Variants in FSTL4 observed in about 807,000 individuals in gnomAD.
FSTL4 encodes follistatin like 4.
In FSTL4, 28 loss-of-function variants were observed where a neutral mutation model predicts 78.2. The observed-to-expected ratio is 0.36, with a 90% CI of 0.27 to 0.49. FSTL4 has a LOEUF of 0.49. Among genes scored for constraint, FSTL4 ranks in the 20% least tolerant of loss-of-function variants. FSTL4 has a pLI of 0.98. For synonymous variants in FSTL4, 422 were observed against 440.5 expected (o/e 0.96, Z 0.53); for missense variants, 922 against 1,084.9 (o/e 0.85, Z 2.11).
chr5:133,701,515 C>T, the FSTL4 span, among the ~76,000 whole-genome samples: 391 of 110,632 alleles, frequency 3.5e-3, 2 homozygotes, highest in African/African-American at 0.011. Flanking sequence ...ACACACCCCA[C>T]AGGCCAGCCT....
At chr5:133,443,046 G>A (rs1364386034) in intron 3 of FSTL4, among the ~76,000 whole-genome samples, 2 of 152,218 alleles carry the variant, frequency 1.3e-5, no homozygotes, top group Non-Finnish European at 2.9e-5. Context: ...TACACCTGCA[G>A]AAATATCATT....
chr5:133,583,345 C>G (rs892235285), intron 2 of FSTL4: 2 of 394,150 alleles, frequency 5.1e-6, no homozygotes, highest in Admixed American at 6.1e-5. Context: ...CCAGCGTGAG[C>G]GACGCAGAAG....
chr5:133,211,745 TC>T (rs1750732158), intron 13 of FSTL4, among the ~76,000 whole-genome samples: 1 of 152,176 alleles, frequency 6.6e-6, no homozygotes, highest in Admixed American at 6.5e-5. Flanking sequence ...TGGCTTCTCC[TC>T]TTCATTCTGA....
intron 4 of FSTL4, among the ~76,000 whole-genome samples, chr5:133,323,874 C>T (rs1334678108): frequency 1.3e-5 from 2 of 152,322 alleles, no homozygotes; most frequent in African/African-American, 2.4e-5. Context: ...AAAGGTCAGT[C>T]GCAGATCCGG....
chr5:133,612,595 G>C (rs1335530748), upstream of FSTL4: 1 of 151,586 alleles, frequency 6.6e-6, no homozygotes, highest in African/African-American at 2.4e-5. This position sits in a 1 kb window ranked among gnomAD's most constrained non-coding sequence, Gnocchi z 6.2. Flanking sequence ...CTGCCCAATC[G>C]CCGCCACCTG....
intron 4 of FSTL4, among the ~76,000 whole-genome samples, chr5:133,322,877 G>C (rs1754106180): frequency 6.6e-6 from 1 of 152,170 alleles, no homozygotes; most frequent in Non-Finnish European, 1.5e-5. Context: ...GTTGACTGAG[G>C]GAAGCTGGAT....
intron 2 of FSTL4, among the ~76,000 whole-genome samples, chr5:133,577,940 C>A (rs1760322306): frequency 1.3e-5 from 2 of 152,204 alleles, no homozygotes; most frequent in South Asian, 4.1e-4. Flanking sequence ...AAGTCTCCAG[C>A]ACTTTGGGGC....
intron 6 of FSTL4, among the ~76,000 whole-genome samples, chr5:133,275,509 G>A (rs983753379): frequency 4.6e-5 from 7 of 151,064 alleles, no homozygotes; most frequent in Non-Finnish European, 1.0e-4. Flanking sequence ...CCAGGGTGCC[G>A]AGATCGTGCC....
upstream of FSTL4, among the ~76,000 whole-genome samples, chr5:133,613,305 A>G (rs1392050550): frequency 3.9e-5 from 6 of 152,206 alleles, no homozygotes; most frequent in Non-Finnish European, 5.9e-5. Flanking sequence ...CTGGCAGGAA[A>G]CTTAGGAGGG....
chr5:133,448,316 T>C (rs1757307927), intron 3 of FSTL4, among the ~76,000 whole-genome samples: 1 of 152,188 alleles, frequency 6.6e-6, no homozygotes, highest in Non-Finnish European at 1.5e-5. Flanking sequence ...CCTCAGTGGC[T>C]CAGGAGATCA....
intron 3 of FSTL4, among the ~76,000 whole-genome samples, chr5:133,486,772 G>T (rs1366062084): frequency 2.0e-5 from 3 of 152,152 alleles, no homozygotes; most frequent in Non-Finnish European, 1.5e-5. Context: ...GGCGGTGGGT[G>T]GGCGGAGCAG....
At chr5:133,788,795 CTGAG>C in the FSTL4 span, among the ~76,000 whole-genome samples, 290 of 152,274 alleles carry the variant, frequency 1.9e-3, 1 homozygote, top group African/African-American at 6.4e-3. Flanking sequence ...CACTCCCTGA[CTGAG>C]TAAGATTTAT....
intron 8 of FSTL4, among the ~76,000 whole-genome samples, chr5:133,227,251 C>T: frequency 6.6e-6 from 1 of 152,148 alleles, no homozygotes; most frequent in Non-Finnish European, 1.5e-5. Context: ...GGGAGAATGC[C>T]AGGGAGTGGC....
chr5:133,456,062 G>A (rs59424123), intron 3 of FSTL4, among the ~76,000 whole-genome samples: 5,031 of 152,304 alleles, frequency 0.033, 268 homozygotes, highest in African/African-American at 0.11. Flanking sequence ...TCTGGGGATA[G>A]TAAGTTAGCA....
At chr5:133,676,587 A>G in the FSTL4 span, among the ~76,000 whole-genome samples, 1 of 152,260 alleles carries the variant, frequency 6.6e-6, no homozygotes, top group Admixed American at 6.5e-5. Context: ...CTTAAAAGCA[A>G]AAAACATTAG....
chr5:133,329,885 C>A (rs1000337220), intron 4 of FSTL4, among the ~76,000 whole-genome samples: 3 of 152,180 alleles, frequency 2.0e-5, no homozygotes, highest in African/African-American at 7.2e-5. Flanking sequence ...ATTACTTGAG[C>A]CTAGAATCTA....
the FSTL4 span, among the ~76,000 whole-genome samples, chr5:133,784,629 A>C: frequency 6.6e-6 from 1 of 152,180 alleles, no homozygotes; most frequent in Admixed American, 6.5e-5. Flanking sequence ...TGTGATATTA[A>C]GGAGTAAGTT....
At chr5:133,427,631 G>A (rs959035935) in intron 3 of FSTL4, 1 of 529,642 alleles carries the variant, frequency 1.9e-6, no homozygotes, top group Non-Finnish European at 3.9e-6. Context: ...CAGATTCCTG[G>A]ACTCCACACC....
chr5:133,287,235 A>C (rs560139535), intron 6 of FSTL4, among the ~76,000 whole-genome samples: 2 of 152,118 alleles, frequency 1.3e-5, no homozygotes, highest in South Asian at 4.2e-4. Flanking sequence ...AAAAATACAA[A>C]AAATTAGCCA....
Sources: allele counts gnomAD v4.1 joint callset (sites outside exome capture counted in the v4.1 genomes callset), GRCh38; gene constraint gnomAD v4.1.1; non-coding constraint Gnocchi (gnomAD v3.1); transcripts MANE v1.5; gene names NCBI Gene and HGNC (gene_info 2026-07-23, HGNC 2026-07-21).